The following TGM7 variants were observed in gnomAD, a reference collection of about 807,000 sequenced individuals.
TGM7 encodes protein-glutamine gamma-glutamyltransferase Z.
In TGM7, 74 loss-of-function variants were observed where a neutral mutation model predicts 79.5. The observed-to-expected ratio is 0.93, with a 90% confidence interval of 0.77 to 1.13. The LOEUF is 1.13. Ranked by LOEUF, TGM7 falls within the 50% of genes most tolerant of loss-of-function variation. TGM7 has a pLI of 0.00. For synonymous variants in TGM7, 354 were observed against 362.5 expected, an observed-to-expected ratio of 0.98 and a Z score of 0.27; for missense variants, 912 against 905.9, an observed-to-expected ratio of 1.01 and a Z score of -0.09.
Position 43,276,855 on chromosome 15 carries a change from C to T in TGM7, c.1973+7G>A, listed in dbSNP as rs755569670. 2.5e-6 allele frequency: 4 copies of T among 1,613,464 alleles called. No homozygotes were observed. The African/African-American group carries it at 5.3e-5, about 22-fold the overall frequency. ...GCAAGGGGGAGGTGGGCAGAAGCGT[C>T]ACTTACTCCTTTGCTATCTGCCCAT... On this transcript the variant is annotated splice_region_variant and intron_variant, in intron 12 of 12. Coordinates refer to ENST00000452443, the MANE Select transcript of TGM7 (RefSeq NM_052955.3).
intron 2 of TGM7, 38 bp downstream of exon 2, chr15:43,293,411 G>A: frequency 6.5e-7 from 1 of 1,546,076 alleles, no homozygotes; most frequent in South Asian, 1.2e-5. Flanking sequence ...CCCTCATTTT[G>A]ACGGAACCTG....
chr15:43,293,901 GGGGGGCTGTGC>G (rs1171238202), intron 1 of TGM7, among the ~76,000 whole-genome samples: 7 of 76,826 alleles, frequency 9.1e-5, no homozygotes, highest in Admixed American at 3.3e-4. Flanking sequence ...TGGGGTGTGC[GGGGGGCTGTGC>G]GGGGGGAGTG....
At chr15:43,291,296 C>G (rs1185507649) in intron 4 of TGM7, among the ~76,000 whole-genome samples, 2 of 152,082 alleles carry the variant, frequency 1.3e-5, no homozygotes, top group African/African-American at 4.8e-5. Context: ...TTGTCAAAGG[C>G]CTTTTCTGCA....
intron 1 of TGM7, among the ~76,000 whole-genome samples, chr15:43,296,424 CA>C (rs35879868): frequency 6.9e-3 from 538 of 78,180 alleles, no homozygotes; most frequent in Non-Finnish European, 9.6e-3. Context: ...GACTCTGTCT[CA>C]AAAAAAAAAA....
intron 2 of TGM7, 105 bp downstream of exon 2, chr15:43,293,344 A>G (rs1319363862): frequency 1.4e-6 from 2 of 1,393,826 alleles, no homozygotes; most frequent in East Asian, 2.3e-5. Flanking sequence ...AGGACAAGAA[A>G]GTGGAGGGCA....
Position 43,284,839 on chromosome 15 carries a change from A to T in TGM7, c.979T>A (p.Ser327Thr). ...CATATTTTGTCTCGTTTCTGAGTTG[A>T]CAGCATCTCGGCATTTCGGTCATAG... ...TYYDRNAEML[S>T]TQKRDKIWNF... The change falls in exon 7 of 13, where the codon TCA becomes ACA. Residue 327 changes from serine to threonine, a missense_variant. Transcript: ENST00000452443. 6.2e-7 allele frequency: 1 copy of T among 1,614,192 alleles called. No homozygotes were observed. Among genetic ancestry groups the T allele is most frequent in the Non-Finnish European group, 8.5e-7 (1 of 1,180,028 alleles).
At chr15:43,302,067 C>T (rs545399920) in intron 1 of TGM7, 174 bp downstream of exon 1, 5 of 721,712 alleles carry the variant, frequency 6.9e-6, no homozygotes, top group Admixed American at 2.2e-5. Context: ...GGATTTGTGC[C>T]CCAAGGTCCA....
chr15:43,284,865 T>C lies in TGM7; in HGVS notation c.953A>G (p.Tyr318Cys), dbSNP rs764944635. Residue 318 changes from tyrosine (Y) to cysteine (C), a missense_variant, in exon 7 of 13, where the codon TAC (tyrosine) becomes TGC (cysteine). Transcript: ENST00000452443. ...CAGCATCTCGGCATTTCGGTCATAGTACGTATCGATGGTCAAGTTCCTATC... is the reference window on the plus strand; with the variant it reads ...CAGCATCTCGGCATTTCGGTCATAGCACGTATCGATGGTCAAGTTCCTATC... Reference protein sequence around the residue: ...NVDRNLTIDTYYDRNAEMLST... With the variant: ...NVDRNLTIDTCYDRNAEMLST... The C allele has an allele frequency of 1.2e-6, 2 of 1,614,066 alleles. No homozygotes were observed. The highest frequency in any genetic ancestry group is 1.7e-5 in the Admixed American group (1 of 59,992).
intron 12 of TGM7, 95 bp downstream of exon 12, chr15:43,276,767 G>A (rs1027617484): frequency 9.7e-6 from 15 of 1,547,854 alleles, no homozygotes; most frequent in Admixed American, 3.7e-5. Context: ...GGGGCAGAGA[G>A]GCACTGCACA....
intron 12 of TGM7, 31 bp from the exon 13 acceptor site, chr15:43,276,645 C>T (rs200044513): frequency 5.6e-5 from 90 of 1,599,132 alleles, no homozygotes; most frequent in East Asian, 4.7e-4. Flanking sequence ...GTGAGAGCCT[C>T]GAGGACTTCC....
chr15:43,297,630 A>AAAGAAAGAAAGAAAGG (rs2043005778), intron 1 of TGM7, among the ~76,000 whole-genome samples: 1 of 147,534 alleles, frequency 6.8e-6, no homozygotes, highest in Non-Finnish European at 1.5e-5. Context: ...AGAAAGAAAG[A>AAAGAAAGAAAGAAAGG]AAGAAAAAGA....
chr15:43,281,999 T>G lies in TGM7; in HGVS notation c.1196A>C (p.Glu399Ala), dbSNP rs2042911830. Residue 399 changes from glutamate (E) to alanine (A), a missense_variant, in exon 9 of 13, where the codon GAG becomes GCG. Physicochemically the swap from Glu to Ala is moderately radical, Grantham distance 107. Transcript: ENST00000452443. ...CCAAATGACTTCATCGGCGTTCACC[T>G]CGGCATACACAAAAGGGGTGTCATA... is the stretch of plus-strand genomic sequence containing the variant. ...LAYDTPFVYA[E>A]VNADEVIWLL... The G allele has an allele frequency of 3.7e-6, 6 of 1,614,026 alleles. No individual in the cohort carries two copies. The highest frequency in any genetic ancestry group is 5.1e-6 in the Non-Finnish European group (6 of 1,179,980).
At position 43,291,955 on chromosome 15, in the gene TGM7, G is replaced by A. The variant is rs1411091080; in HGVS notation, c.558+24C>T. ...ACCAGCCTTAGGGAGCCCACCCCAG[G>A]CCCACATTGGGTAATAGTGTTACCT... On this transcript the variant is annotated intron_variant, in intron 4 of 12. Coordinates refer to ENST00000452443, the MANE Select transcript of TGM7 (RefSeq NM_052955.3). The A allele has an allele frequency of 1.9e-6, 3 of 1,577,982 alleles. No homozygotes were observed. The South Asian group carries it at 3.3e-5, about 17-fold the overall frequency.
At chr15:43,296,286 G>A (rs491800) in intron 1 of TGM7, among the ~76,000 whole-genome samples, 71,148 of 151,862 alleles carry the variant, frequency 0.47, 21,129 homozygotes, top group African/African-American at 0.85. Flanking sequence ...TTAGCCGGGC[G>A]TGGTGGCGGG....
At chr15:43,287,991 G>A (rs1028640194) in intron 4 of TGM7, among the ~76,000 whole-genome samples, 2 of 152,154 alleles carry the variant, frequency 1.3e-5, no homozygotes, top group Non-Finnish European at 1.5e-5. Flanking sequence ...TGGGTGGGCA[G>A]GAAGAGGAGA....
chr15:43,289,522 A>G (rs1347377757), intron 4 of TGM7, among the ~76,000 whole-genome samples: 2 of 152,210 alleles, frequency 1.3e-5, no homozygotes, highest in African/African-American at 4.8e-5. Context: ...CGCAATAAAC[A>G]TACGTGTGCA....
chr15:43,282,397 G>T, intron 8 of TGM7, 120 bp downstream of exon 8: 2 of 892,204 alleles, frequency 2.2e-6, no homozygotes, highest in Non-Finnish European at 3.5e-6. Context: ...TGTCAGCTGG[G>T]ACCTCGGGAA....
rs1425791769 is a variant in TGM7, at chr15:43,291,970, T to C, written c.558+9A>G. 6.2e-7 allele frequency: 1 copy of C among 1,607,006 alleles called. No homozygotes were observed. Among genetic ancestry groups the C allele is most frequent in the Non-Finnish European group, 8.5e-7 (1 of 1,173,796 alleles). ...CCCACCCCAGGCCCACATTGGGTAA[T>C]AGTGTTACCTGCCCGTAGTTCCAGG... On this transcript the variant is annotated intron_variant, in intron 4 of 12. Transcript: ENST00000452443.
At chr15:43,301,400 T>G (rs1157055500) in intron 1 of TGM7, among the ~76,000 whole-genome samples, 2 of 150,998 alleles carry the variant, frequency 1.3e-5, no homozygotes, top group African/African-American at 4.9e-5. Context: ...GAGGCCAAGG[T>G]GGGTGGGTCA....
Sources: allele counts gnomAD v4.1 joint callset (sites outside exome capture counted in the v4.1 genomes callset), GRCh38; gene constraint gnomAD v4.1.1; transcripts MANE v1.5; gene names NCBI Gene and HGNC (gene_info 2026-07-23, HGNC 2026-07-21).